The following ATAD3B variants were observed in gnomAD, a reference collection of about 807,000 sequenced individuals.
The protein encoded by ATAD3B is ATPase family AAA domain-containing protein 3B.
A neutral mutation model predicts 70.2 loss-of-function variants in ATAD3B; 59 were observed. That is an observed-to-expected ratio of 0.84 (90% CI 0.68 to 1.04). ATAD3B has a LOEUF of 1.04. Ranked by LOEUF, ATAD3B falls within the 50% of genes least tolerant of loss-of-function variation. The pLI, the probability that ATAD3B is intolerant of heterozygous loss-of-function variation, is 0.00. For synonymous variants in ATAD3B, 423 were observed against 388.6 expected (o/e 1.09, Z -1.04); for missense variants, 961 against 913.4 (o/e 1.05, Z -0.67).
chr1:1,502,506 C>CCTTTT (rs1379870850), downstream of ATAD3B, among the ~76,000 whole-genome samples: 8 of 113,706 alleles, frequency 7.0e-5, 1 homozygote, highest in African/African-American at 2.2e-4. Context: ...CCGTGCCCAG[C>CCTTTT]ATTTTTTTTT....
intron 15 of ATAD3B, among the ~76,000 whole-genome samples, chr1:1,493,473 C>G (rs1432045748): frequency 1.3e-5 from 2 of 151,714 alleles, no homozygotes; most frequent in African/African-American, 2.4e-5. Context: ...ACCAGTCTCG[C>G]TTTTGCCGCC....
chr1:1,477,459 G>T (rs2100530300), intron 2 of ATAD3B, 109 bp downstream of exon 2: 1 of 1,547,838 alleles, frequency 6.5e-7, no homozygotes. Flanking sequence ...TACATGGGCA[G>T]CAGTGGGGCC....
chr1:1,482,772 T>C, intron 7 of ATAD3B, 158 bp downstream of exon 7: 1 of 1,214,766 alleles, frequency 8.2e-7, no homozygotes, highest in Non-Finnish European at 1.2e-6. Context: ...CGGCTGCTCC[T>C]CCCTCCTTGA....
chr1:1,487,638 C>G (rs1391685544), intron 11 of ATAD3B, among the ~76,000 whole-genome samples: 2 of 151,850 alleles, frequency 1.3e-5, no homozygotes, highest in African/African-American at 4.8e-5. Context: ...TCTGTTGCCC[C>G]CTGTGTAGTT....
At chr1:1,495,132 G>A (rs1335901231) in intron 15 of ATAD3B, among the ~76,000 whole-genome samples, 6 of 152,050 alleles carry the variant, frequency 3.9e-5, no homozygotes, top group Non-Finnish European at 7.4e-5. Flanking sequence ...ACTATGACCC[G>A]GGGGCACTGC....
chr1:1,490,867 A>G (rs369035264), intron 15 of ATAD3B, among the ~76,000 whole-genome samples, 196 bp downstream of exon 15: 1 of 152,042 alleles, frequency 6.6e-6, no homozygotes, highest in East Asian at 1.9e-4. Flanking sequence ...TCGTGCCCTC[A>G]GGAGGGTGGG....
chr1:1,493,645 AGT>A (rs1640642701), intron 15 of ATAD3B, among the ~76,000 whole-genome samples: 1 of 151,630 alleles, frequency 6.6e-6, no homozygotes, highest in African/African-American at 2.4e-5. Flanking sequence ...TAATCATAAA[AGT>A]GTGTTGAATT....
chr1:1,489,846 G>T (rs993482054), intron 13 of ATAD3B: 48 of 1,229,124 alleles, frequency 3.9e-5, no homozygotes, highest in Non-Finnish European at 4.9e-5. Context: ...GGGCCCTGCT[G>T]AGCCTCTGCT....
At chr1:1,493,060 A>G (rs1426954547) in intron 15 of ATAD3B, among the ~76,000 whole-genome samples, 1 of 151,972 alleles carries the variant, frequency 6.6e-6, no homozygotes, top group African/African-American at 2.4e-5. Flanking sequence ...GCAGTGAGCT[A>G]AGATCACGCC....
Position 1,485,146 on chromosome 1 carries a change from T to C in ATAD3B, c.881T>C (p.Leu294Pro). ...LVRETSRITVLEALRHPIQVS... is the reference protein window; with the variant it reads ...LVRETSRITVPEALRHPIQVS... ...AGGGAGACGTCCCGCATCACGGTGC[T>C]GGAGGCGCTGCGGCACCCCATCCAG... The change falls in exon 8 of 16, where the codon CTG (leucine) becomes CCG (proline). Residue 294 changes from leucine (L) to proline (P), a missense_variant. By Grantham distance (98) the Leu-to-Pro change is moderately conservative (BLOSUM62 -3). Transcript: ENST00000673477. 6.2e-6 allele frequency: 10 copies of C among 1,610,468 alleles called. No homozygotes were observed. Among genetic ancestry groups the C allele is most frequent in the African/African-American group, 1.3e-5 (1 of 74,952 alleles).
chr1:1,503,809 C>T, the ATAD3B span: 4 of 1,242,878 alleles, frequency 3.2e-6, no homozygotes, highest in Non-Finnish European at 4.5e-6. Flanking sequence ...CCTCATTTCA[C>T]AGAAGGAAAC....
intron 15 of ATAD3B, among the ~76,000 whole-genome samples, chr1:1,492,992 T>C (rs1209007101): frequency 4.6e-5 from 7 of 150,888 alleles, no homozygotes; most frequent in Non-Finnish European, 8.8e-5. Flanking sequence ...GCACCTGTAA[T>C]CCCAGCTGCT....
In ATAD3B at chr1:1,479,075, C is replaced by T. The variant is rs1470053857; in HGVS notation, c.411C>T (p.Ala137=). 3.8e-6 allele frequency: 5 copies of T among 1,323,480 alleles called. No individual in the cohort carries two copies. The highest frequency in any genetic ancestry group is 5.1e-6 in the Non-Finnish European group (5 of 975,776). 82.0% of individuals were successfully genotyped at this position (1,323,480 alleles called of 1,614,324 possible). The change falls in exon 4 of 16, where the codon GCC becomes GCT. Residue 137 remains alanine, a synonymous_variant. Transcript: ENST00000673477. The part of the protein sequence containing the change: ...QARAQYQDKL[A]RQRYEDQLKQ... ...GGGCCCAGTATCAAGACAAGCTGGC[C>T]CGGCAGCGCTACGAGGACCAACTGA...
intron 12 of ATAD3B, among the ~76,000 whole-genome samples, chr1:1,488,349 C>T (rs77172447): frequency 0.11 from 17,003 of 152,030 alleles, 2,300 homozygotes; most frequent in East Asian, 0.47. Context: ...CCTCAGCCTC[C>T]CGAGAAGCTG....
chr1:1,477,717 A>AT (rs1185366233), intron 2 of ATAD3B, among the ~76,000 whole-genome samples: 3 of 142,650 alleles, frequency 2.1e-5, no homozygotes, highest in Non-Finnish European at 4.4e-5. Flanking sequence ...ATTTTATTTT[A>AT]TTTATTTTGA....
chr1:1,482,191 G>A lies in ATAD3B; in HGVS notation c.568G>A (p.Glu190Lys). The A allele has an allele frequency of 6.2e-7, 1 of 1,611,110 alleles. No homozygotes were observed. Among genetic ancestry groups the A allele is most frequent in the Non-Finnish European group, 8.5e-7 (1 of 1,179,252 alleles). ...LRHKNEMLRV[E>K]TEARARAKAE... ...GCACAAGAATGAGATGCTGCGAGTG[G>A]AGACCGAGGCCCGGGCGCGCGCCAA... Residue 190 changes from glutamate (E) to lysine (K), a missense_variant, in exon 6 of 16, where the codon GAG becomes AAG. This residue lies in a region of ATAD3B where 349 missense variants were observed against 307.5 expected (regional missense o/e 1.14). Coordinates refer to ENST00000673477, the MANE Select transcript of ATAD3B (RefSeq NM_031921.6).
At position 1,477,309 on chromosome 1, in the gene ATAD3B, C is replaced by A. The variant is rs144124982; in HGVS notation, c.241C>A (p.Gln81Lys). The A allele has an allele frequency of 1.1e-5, 18 of 1,612,350 alleles. No individual in the cohort carries two copies. Among genetic ancestry groups the A allele is most frequent in the Middle Eastern group, 4.1e-4 (2 of 4,904 alleles). Residue 81 changes from glutamine (Q) to lysine (K), a missense_variant, in exon 2 of 16, where the codon CAG becomes AAG. This residue lies in a region of ATAD3B where 187 missense variants were observed against 244.3 expected (regional missense o/e 0.77). Coordinates refer to ENST00000673477, the MANE Select transcript of ATAD3B (RefSeq NM_031921.6). ...GGAGGCCCTGAATCTGGCGCAGATG[C>A]AGGAGCAGACGCTGCAGTTGGAGCA... ...AKEALNLAQM[Q>K]EQTLQLEQQS...
chr1:1,477,786 A>C (rs1639671579), intron 2 of ATAD3B, among the ~76,000 whole-genome samples: 1 of 147,598 alleles, frequency 6.8e-6, no homozygotes, highest in South Asian at 2.2e-4. Context: ...GCTCACTGCA[A>C]CCTCCGCCTC....
downstream of ATAD3B, among the ~76,000 whole-genome samples, chr1:1,500,692 G>A (rs1425925971): frequency 6.6e-6 from 1 of 151,486 alleles, no homozygotes; most frequent in African/African-American, 2.4e-5. Context: ...AGTGGCTCAT[G>A]CCTGTAATCC....
Sources: gnomAD v4.1 joint callset for allele counts (sites outside exome capture counted in the v4.1 genomes callset) on GRCh38, gnomAD v4.1.1 for gene constraint, gnomAD v4.1.1 regional missense constraint, MANE v1.5 for transcripts, NCBI Gene and HGNC (gene_info 2026-07-23, HGNC 2026-07-21) for gene names.